CDH10: variants seen among roughly 807,000 people sequenced by gnomAD.
CDH10 encodes the protein cadherin 10.
CDH10 carries 30 observed loss-of-function variants against 73.1 expected under a neutral mutation model. The ratio of observed to expected loss-of-function variants is 0.41; its 90% CI spans 0.31 to 0.56. The LOEUF is 0.56. CDH10 is among the 20% of genes least tolerant of loss of function. The pLI is 0.27. For synonymous variants in CDH10, 345 were observed against 348.2 expected, an observed-to-expected ratio of 0.99 and a Z score of 0.10; for missense variants, 815 against 973.7, an observed-to-expected ratio of 0.84 and a Z score of 2.17.
intron 1 of CDH10, among the ~76,000 whole-genome samples, chr5:24,606,413 C>A (rs2112131988): frequency 6.6e-6 from 1 of 152,206 alleles, no homozygotes; most frequent in African/African-American, 2.4e-5. Context: ...GAGTTCGAGA[C>A]CAGCTTGGCC....
At chr5:24,626,974 A>T (rs940130625) in intron 1 of CDH10, among the ~76,000 whole-genome samples, 2 of 151,502 alleles carry the variant, frequency 1.3e-5, no homozygotes, top group Non-Finnish European at 2.9e-5. Flanking sequence ...TAAAAAATTA[A>T]GTACAGTGAA....
At chr5:24,624,445 G>C (rs1747423146) in intron 1 of CDH10, among the ~76,000 whole-genome samples, 1 of 152,068 alleles carries the variant, frequency 6.6e-6, no homozygotes, top group Non-Finnish European at 1.5e-5. Flanking sequence ...AATTCCCTCT[G>C]AGACATGTAA....
At position 24,593,592 on chromosome 5, in the gene CDH10, G is replaced by A; in HGVS notation, c.-102C>T. 1.6e-6 allele frequency: 1 copy of A among 613,490 alleles called. No homozygotes were observed. The highest frequency in any genetic ancestry group is 2.9e-6 in the Non-Finnish European group (1 of 348,342). The allele number at this position is 613,490 out of a possible 1,614,324, so 38.0% of individuals were successfully genotyped here. A position where few individuals can be genotyped will look rare whatever the true frequency, so the allele number is the denominator to read the frequency against. The stretch of plus-strand genomic sequence containing the variant: ...AACTGGTTTCCAACATTTCATCAAT[G>A]TTTTGTTCATGTTTCCCAAAGCTTC... On this transcript the variant is annotated 5_prime_UTR_variant, in exon 2 of 12. Transcript: ENST00000264463.
chr5:24,526,364 G>A (rs993364311), intron 5 of CDH10, among the ~76,000 whole-genome samples: 5 of 151,930 alleles, frequency 3.3e-5, no homozygotes, highest in Admixed American at 3.3e-4. Flanking sequence ...CGGAAAATGT[G>A]TATTTCCCCT....
chr5:24,504,318 T>C (rs1416576801), intron 8 of CDH10, among the ~76,000 whole-genome samples: 1 of 151,872 alleles, frequency 6.6e-6, no homozygotes, highest in Non-Finnish European at 1.5e-5. Context: ...ATACAAGTGA[T>C]TCAGATTTTG....
chr5:24,535,663 A>T, intron 4 of CDH10, 40 bp downstream of exon 4: 1 of 1,578,514 alleles, frequency 6.3e-7, no homozygotes. Context: ...AAGGTCATAA[A>T]GATGATCAAA....
chr5:24,572,942 A>G (rs1222126617), intron 2 of CDH10, among the ~76,000 whole-genome samples: 2 of 149,704 alleles, frequency 1.3e-5, no homozygotes, highest in African/African-American at 4.9e-5. Flanking sequence ...AAAGAAAAAA[A>G]AAAAAAAAAA....
intron 1 of CDH10, among the ~76,000 whole-genome samples, chr5:24,644,387 CTATA>C (rs987606250): frequency 1.3e-5 from 2 of 152,052 alleles, no homozygotes; most frequent in Non-Finnish European, 2.9e-5. Flanking sequence ...TTTACATTGC[CTATA>C]TAGATATTCG....
chr5:24,525,778 A>C (rs1484269503), intron 5 of CDH10, among the ~76,000 whole-genome samples: 1 of 152,072 alleles, frequency 6.6e-6, no homozygotes, highest in African/African-American at 2.4e-5. Context: ...AAATTAGAGC[A>C]AAACGAGATG....
At chr5:24,527,690 A>G in intron 5 of CDH10, among the ~76,000 whole-genome samples, 1 of 151,926 alleles carries the variant, frequency 6.6e-6, no homozygotes, top group East Asian at 1.9e-4. Context: ...AGTAAAAAAT[A>G]AGTATTGGTA....
chr5:24,523,225 A>C (rs767555022), intron 5 of CDH10, among the ~76,000 whole-genome samples: 1 of 152,112 alleles, frequency 6.6e-6, no homozygotes, highest in African/African-American at 2.4e-5. Context: ...AAATAACAAG[A>C]AGATACTAGT....
In CDH10 at chr5:24,511,502, A is replaced by C. The variant is rs973961005; in HGVS notation, c.827T>G (p.Leu276Arg). ...PPRFPQNTIH[L>R]RVLESSPVGT... is the part of the protein sequence containing the mutation. ...AACTGGGGAGGATTCAAGAACTCGA[A>C]GATGAATAGTGTCTGTAAAGTATAA... The change falls in exon 6 of 12, where the codon CTT becomes CGT. Residue 276 changes from leucine to arginine, a missense_variant. Around this residue, in one of 3 missense-constraint regions of CDH10, gnomAD observed 516 missense variants for 636.6 expected, o/e 0.81. Transcript: ENST00000264463. 2 of 1,561,148 alleles carry C rather than the reference A, an allele frequency of 1.3e-6. No individual in the cohort carries two copies. Among genetic ancestry groups the C allele is most frequent in the African/African-American group, 2.7e-5 (2 of 73,454 alleles).
chr5:24,577,924 A>G (rs1305526753), intron 2 of CDH10, among the ~76,000 whole-genome samples: 4 of 152,200 alleles, frequency 2.6e-5, no homozygotes, highest in Non-Finnish European at 5.9e-5. Flanking sequence ...ACTAAATGTC[A>G]TTAGAAGCCA....
At chr5:24,541,078 G>A (rs73067146) in intron 2 of CDH10, among the ~76,000 whole-genome samples, 2 of 151,970 alleles carry the variant, frequency 1.3e-5, no homozygotes, top group African/African-American at 2.4e-5. Flanking sequence ...AGTAAATAAA[G>A]GAGGCAGAAA....
rs1748156589 is a variant in CDH10 at position 24,644,633 on chromosome 5, C to T, written c.-163G>A. The stretch of plus-strand genomic sequence containing the variant: ...TCTGGATAATGGAAGTTGGTTCCAG[C>T]CAAAATAACCCAGGAGAAATTGTCA... On this transcript the variant is annotated 5_prime_UTR_variant, in exon 1 of 12. Transcript: ENST00000264463. 6.6e-6 allele frequency: 1 copy of T among 151,758 alleles called. No homozygotes were observed. Among genetic ancestry groups the T allele is most frequent in the African/African-American group, 2.4e-5 (1 of 41,296 alleles). 9.4% of individuals were successfully genotyped at this position (151,758 alleles called of 1,614,324 possible).
intron 2 of CDH10, among the ~76,000 whole-genome samples, chr5:24,542,178 T>TA (rs1283060210): frequency 6.6e-6 from 1 of 152,146 alleles, no homozygotes; most frequent in Non-Finnish European, 1.5e-5. Flanking sequence ...TAAGACCATT[T>TA]TAAAAAATTA....
At chr5:24,535,636 TG>T (rs1743922709) in intron 4 of CDH10, 66 bp downstream of exon 4, 1 of 1,413,962 alleles carries the variant, frequency 7.1e-7, no homozygotes. Flanking sequence ...TATTCTCCCA[TG>T]GTCTTTCTAC....
chr5:24,642,263 G>A (rs1180003126), intron 1 of CDH10, among the ~76,000 whole-genome samples: 2 of 152,096 alleles, frequency 1.3e-5, no homozygotes, highest in African/African-American at 2.4e-5. Flanking sequence ...CCAGTAAGAC[G>A]TGTTATCACT....
chr5:24,576,269 C>T (rs1745595126), intron 2 of CDH10, among the ~76,000 whole-genome samples: 1 of 151,952 alleles, frequency 6.6e-6, no homozygotes, highest in African/African-American at 2.4e-5. Context: ...CTGAGTTGTT[C>T]CTGATGTGTA....
Sources: allele counts gnomAD v4.1 joint callset (sites outside exome capture counted in the v4.1 genomes callset), GRCh38; gene constraint gnomAD v4.1.1; regional missense constraint gnomAD v4.1.1; transcripts MANE v1.5; gene names NCBI Gene and HGNC (gene_info 2026-07-23, HGNC 2026-07-21).